The following SOX5 variants were observed in gnomAD, a reference collection of about 807,000 sequenced individuals.
SOX5 encodes SRY-box transcription factor 5, also known as transcription factor SOX-5.
SOX5 carries 9 observed loss-of-function variants against 92.0 expected under a neutral mutation model. The observed-to-expected ratio is 0.10, with a 90% confidence interval of 0.06 to 0.17. The LOEUF is 0.17. Among genes scored for constraint, SOX5 ranks in the 10% least tolerant of loss-of-function variants. SOX5 has a pLI of 1.00. For synonymous variants in SOX5, 344 were observed against 336.3 expected, an observed-to-expected ratio of 1.02 and a Z score of -0.25; for missense variants, 642 against 944.5, an observed-to-expected ratio of 0.68 and a Z score of 4.20.
intron 4 of SOX5, among the ~76,000 whole-genome samples, chr12:24,059,818 G>A (rs890922510): frequency 2.6e-5 from 4 of 152,122 alleles, no homozygotes; most frequent in African/African-American, 9.7e-5. Context: ...TGAATACATC[G>A]TTAATGGAAG....
chr12:23,828,124 C>T (rs935189760), intron 3 of SOX5, among the ~76,000 whole-genome samples: 5 of 152,044 alleles, frequency 3.3e-5, no homozygotes, highest in African/African-American at 1.2e-4. Context: ...TGTAGATACA[C>T]AAATACTTAC....
At chr12:23,665,680 T>C (rs2083678792) in intron 6 of SOX5, 116 bp from the exon 7 acceptor site, 2 of 1,230,348 alleles carry the variant, frequency 1.6e-6, no homozygotes, top group Non-Finnish European at 2.2e-6. Flanking sequence ...AAGACTGGCA[T>C]AGAAGCTTGC....
chr12:23,580,633 T>C (rs903771396), intron 9 of SOX5, among the ~76,000 whole-genome samples: 7 of 152,092 alleles, frequency 4.6e-5, no homozygotes, highest in African/African-American at 1.7e-4. Context: ...TATAACTTCT[T>C]CTAATCAATT....
intron 3 of SOX5, among the ~76,000 whole-genome samples, chr12:23,844,154 G>A (rs1479900539): frequency 6.6e-6 from 1 of 152,230 alleles, no homozygotes; most frequent in East Asian, 1.9e-4. Context: ...ACAACGTACT[G>A]TGGAGTATCA....
chr12:23,751,998 AC>A (rs1485852960), intron 4 of SOX5, among the ~76,000 whole-genome samples: 1 of 150,918 alleles, frequency 6.6e-6, no homozygotes, highest in Non-Finnish European at 1.5e-5. Context: ...AAATTCTGGC[AC>A]TTTTGTTAAA....
At chr12:24,325,897 T>G (rs1026090656) in intron 2 of SOX5, among the ~76,000 whole-genome samples, 2 of 152,126 alleles carry the variant, frequency 1.3e-5, no homozygotes, top group African/African-American at 4.8e-5. Context: ...TGCGCACACG[T>G]GCACGCGCGC....
chr12:24,160,658 G>T (rs993327813), intron 4 of SOX5, among the ~76,000 whole-genome samples: 8 of 152,088 alleles, frequency 5.3e-5, no homozygotes, highest in East Asian at 1.9e-4. Context: ...GGGAAGAAAG[G>T]TTGGATATAA....
At chr12:24,155,921 G>A (rs753660554) in intron 4 of SOX5, among the ~76,000 whole-genome samples, 13 of 152,046 alleles carry the variant, frequency 8.6e-5, no homozygotes, top group Admixed American at 2.6e-4. Flanking sequence ...TAGAAAGAGC[G>A]GTAACAATGC....
intron 2 of SOX5, among the ~76,000 whole-genome samples, chr12:23,881,810 G>A (rs990679882): frequency 6.6e-6 from 1 of 152,088 alleles, no homozygotes; most frequent in African/African-American, 2.4e-5. Context: ...ATGAAGTTTG[G>A]ATTTTTAAAA....
At position 23,957,674 on chromosome 12, in the gene SOX5, C is replaced by CT. The variant is rs1326143593; in HGVS notation, c.-1-61651dup. Among the ~76,000 whole-genome samples, 3 of 152,248 alleles carry CT rather than the reference C, an allele frequency of 2.0e-5. No individual in the cohort carries two copies. The East Asian group carries it at 5.8e-4, about 29-fold the overall frequency. ...GAGCTGCTTCCATATAGACAACTTG[C>CT]TTTTTTCATGCTGTTGTTAATAAAA... On this transcript the variant is annotated intron_variant, in intron 4 of 4. Transcript: ENST00000446891.
At chr12:23,871,118 ATATT>A (rs1426679508) in intron 2 of SOX5, among the ~76,000 whole-genome samples, 3 of 152,164 alleles carry the variant, frequency 2.0e-5, no homozygotes, top group Non-Finnish European at 2.9e-5. Flanking sequence ...TGTGAGAAAA[ATATT>A]TAGAGAAGTT....
chr12:23,858,142 T>C (rs962461392), intron 2 of SOX5, among the ~76,000 whole-genome samples: 1 of 152,106 alleles, frequency 6.6e-6, no homozygotes, highest in Non-Finnish European at 1.5e-5. Context: ...TTGTTTGTTT[T>C]TTTACAATGT....
At chr12:24,116,120 C>T (rs1471061561) in intron 4 of SOX5, among the ~76,000 whole-genome samples, 2 of 152,276 alleles carry the variant, frequency 1.3e-5, no homozygotes, top group East Asian at 1.9e-4. Context: ...AACGTTACAA[C>T]TGAGTTCAAT....
chr12:23,994,850 C>T (rs1041545791), intron 4 of SOX5, among the ~76,000 whole-genome samples: 12 of 152,176 alleles, frequency 7.9e-5, no homozygotes, highest in Admixed American at 5.2e-4. Flanking sequence ...ATTGGTCTAA[C>T]GTGAGAAATC....
At chr12:23,861,779 C>CTG (rs1452770343) in intron 2 of SOX5, among the ~76,000 whole-genome samples, 4 of 152,134 alleles carry the variant, frequency 2.6e-5, no homozygotes, top group African/African-American at 9.7e-5. Flanking sequence ...TACTGCTATG[C>CTG]CTACCAGCTT....
intron 1 of SOX5, among the ~76,000 whole-genome samples, chr12:24,398,102 G>A (rs1249937008): frequency 5.9e-5 from 9 of 151,908 alleles, no homozygotes; most frequent in Non-Finnish European, 1.2e-4. Flanking sequence ...CGCCCACCTC[G>A]GCCTCCCAAA....
intron 5 of SOX5, among the ~76,000 whole-genome samples, chr12:23,737,376 TA>T (rs1287108644): frequency 6.6e-6 from 1 of 151,932 alleles, no homozygotes; most frequent in African/African-American, 2.4e-5. Flanking sequence ...CCGTCTCTAC[TA>T]AAAATACAAA....
At chr12:23,784,145 C>T (rs1452102861) in intron 3 of SOX5, among the ~76,000 whole-genome samples, 4 of 151,950 alleles carry the variant, frequency 2.6e-5, no homozygotes, top group African/African-American at 9.7e-5. Flanking sequence ...ATGCACAGGC[C>T]TCAGGGTGGG....
At chr12:23,958,324 T>G (rs929659167) in intron 4 of SOX5, among the ~76,000 whole-genome samples, 1 of 151,768 alleles carries the variant, frequency 6.6e-6, no homozygotes, top group Non-Finnish European at 1.5e-5. Context: ...CACTTAATGG[T>G]TTTTTTTCTG....
Sources: allele counts gnomAD v4.1 joint callset (sites outside exome capture counted in the v4.1 genomes callset), GRCh38; gene constraint gnomAD v4.1.1; transcripts MANE v1.5; gene names NCBI Gene and HGNC (gene_info 2026-07-23, HGNC 2026-07-21).